The following PLEKHA1 variants were observed in gnomAD, a reference collection of about 807,000 sequenced individuals.
The protein encoded by PLEKHA1 is pleckstrin homology domain containing A1, also known as pleckstrin homology domain-containing family A member 1.
Under a neutral mutation model 52.0 loss-of-function variants are expected in PLEKHA1, and 34 were observed. The observed-to-expected ratio is 0.65, with a 90% confidence interval of 0.50 to 0.87. The LOEUF is 0.87. Ranked by LOEUF, PLEKHA1 falls within the 40% of genes least tolerant of loss-of-function variation. The pLI is 0.00. For synonymous variants in PLEKHA1, 163 were observed against 170.7 expected, an observed-to-expected ratio of 0.95 and a Z score of 0.35; for missense variants, 497 against 504.2, an observed-to-expected ratio of 0.99 and a Z score of 0.14.
intron 5 of PLEKHA1, among the ~76,000 whole-genome samples, chr10:122,408,532 A>G (rs2097057759): frequency 3.9e-5 from 6 of 152,294 alleles, no homozygotes; most frequent in Admixed American, 3.9e-4. Flanking sequence ...TGGAAAATAT[A>G]AATACATAGA....
chr10:122,410,505 G>A (rs1341091461), intron 5 of PLEKHA1, among the ~76,000 whole-genome samples: 1 of 152,128 alleles, frequency 6.6e-6, no homozygotes, highest in African/African-American at 2.4e-5. Flanking sequence ...TTTAGACCAA[G>A]TTTTACAGAG....
intron 1 of PLEKHA1, chr10:122,392,209 G>A (rs2133986675): frequency 6.6e-6 from 1 of 152,090 alleles, no homozygotes; most frequent in Middle Eastern, 3.4e-3. Context: ...CACCTTTTAA[G>A]TCTATTTTAA....
In PLEKHA1 at chr10:122,405,624, T is replaced by C. The variant is rs142604705; in HGVS notation, c.245-952T>C. On this transcript the variant is annotated intron_variant, in intron 4 of 11. Coordinates refer to ENST00000368990, the MANE Select transcript of PLEKHA1 (RefSeq NM_001001974.4). Reference sequence around the variant, plus strand: ...AACCTAAGGGATTTGTTATGGGGAATTGGTTACCCAAATATTGGAAGGCTG... The same window carrying C: ...AACCTAAGGGATTTGTTATGGGGAACTGGTTACCCAAATATTGGAAGGCTG... Among the ~76,000 whole-genome samples, 703 of 151,008 alleles carry C rather than the reference T, an allele frequency of 4.7e-3. 5 individuals are homozygous for C. Among genetic ancestry groups the C allele is most frequent in the African/African-American group, 0.016 (659 of 41,074 alleles).
At chr10:122,384,856 T>C (rs1467335016) in intron 1 of PLEKHA1, among the ~76,000 whole-genome samples, 2 of 152,086 alleles carry the variant, frequency 1.3e-5, no homozygotes, top group East Asian at 3.9e-4. Context: ...CTCAGGAGGC[T>C]GAGGCATGAG....
At chr10:122,375,708 C>A (rs1233821245) in intron 1 of PLEKHA1, among the ~76,000 whole-genome samples, 1 of 152,010 alleles carries the variant, frequency 6.6e-6, no homozygotes, top group Non-Finnish European at 1.5e-5. Context: ...GTGGTCTGGG[C>A]GTATAAATAA....
chr10:122,384,071 G>T (rs2096653582), intron 1 of PLEKHA1, among the ~76,000 whole-genome samples: 1 of 152,058 alleles, frequency 6.6e-6, no homozygotes, highest in African/African-American at 2.4e-5. Flanking sequence ...TTTTGTATTT[G>T]TCCTGTTATG....
chr10:122,434,426 A>G (rs1276728576), downstream of PLEKHA1: 2 of 151,782 alleles, frequency 1.3e-5, no homozygotes, highest in East Asian at 3.9e-4. Flanking sequence ...CCTGTCTTCA[A>G]CTCTAGTTCT....
chr10:122,393,855 T>C lies in PLEKHA1; in HGVS notation c.141+514T>C, dbSNP rs975433004. ...ATAAATAAATGACTTAACCACATGA[T>C]ACTCTTGCACATATGTAGTCCTTTT... is the stretch of plus-strand genomic sequence containing the variant. On this transcript the variant is annotated intron_variant, in intron 2 of 11. Coordinates refer to ENST00000368990, the MANE Select transcript of PLEKHA1 (RefSeq NM_001001974.4). This position sits in a 1 kb window ranked among gnomAD's most constrained non-coding sequence, Gnocchi z 4.5. Among the ~76,000 whole-genome samples, 5 of 152,264 alleles carry C rather than the reference T, an allele frequency of 3.3e-5. No individual in the cohort carries two copies. In the East Asian group the frequency reaches 9.7e-4, roughly 29 times the overall value.
intron 4 of PLEKHA1, among the ~76,000 whole-genome samples, chr10:122,401,243 G>A: frequency 6.6e-6 from 1 of 152,196 alleles, no homozygotes; most frequent in East Asian, 1.9e-4. Flanking sequence ...GTTTTGACGA[G>A]CAATAGGTTT....
At chr10:122,398,105 A>G in intron 3 of PLEKHA1, 131 bp downstream of exon 3, 1 of 645,584 alleles carries the variant, frequency 1.5e-6, no homozygotes, top group Non-Finnish European at 2.7e-6. Context: ...CTGAAATGGT[A>G]CCTGATTACT....
intron 5 of PLEKHA1, among the ~76,000 whole-genome samples, chr10:122,409,467 C>A (rs2097074653): frequency 6.6e-6 from 1 of 152,142 alleles, no homozygotes. Flanking sequence ...GTGGAAACAA[C>A]ATAAATATGG....
chr10:122,424,811 A>T, intron 9 of PLEKHA1, 85 bp from the exon 10 acceptor site: 2 of 970,986 alleles, frequency 2.1e-6, no homozygotes, highest in South Asian at 1.9e-5. Context: ...TTATTTATTG[A>T]CGCATACTGG....
At chr10:122,387,595 G>C (rs2096717986) in intron 1 of PLEKHA1, 1 of 152,144 alleles carries the variant, frequency 6.6e-6, no homozygotes, top group South Asian at 2.1e-4. Context: ...ATTTTTCACT[G>C]TTCTCTGGGT....
At chr10:122,413,686 A>G (rs1163531185) in intron 6 of PLEKHA1, among the ~76,000 whole-genome samples, 1 of 152,174 alleles carries the variant, frequency 6.6e-6, no homozygotes, top group Non-Finnish European at 1.5e-5. Flanking sequence ...ATATAAATTT[A>G]CATACAATTT....
intron 4 of PLEKHA1, among the ~76,000 whole-genome samples, chr10:122,403,949 C>T (rs1263664541): frequency 6.6e-6 from 1 of 152,190 alleles, no homozygotes; most frequent in Non-Finnish European, 1.5e-5. Flanking sequence ...GCCTTGGCCT[C>T]CCAAAATGCT....
At chr10:122,436,141 C>T (rs2133820656), downstream of PLEKHA1, 1 of 152,210 alleles carries the variant, frequency 6.6e-6, no homozygotes, top group South Asian at 2.1e-4. Context: ...ATGTATCTTT[C>T]TGATACCAAA....
At chr10:122,412,706 C>T (rs1253104127) in intron 5 of PLEKHA1, 2 of 527,402 alleles carry the variant, frequency 3.8e-6, no homozygotes, top group East Asian at 3.1e-5. Flanking sequence ...AGTACCTGCC[C>T]GAGTAAGCAC....
intron 1 of PLEKHA1, among the ~76,000 whole-genome samples, chr10:122,382,907 T>C (rs1018996377): frequency 9.2e-5 from 14 of 152,228 alleles, no homozygotes; most frequent in African/African-American, 3.1e-4. Flanking sequence ...GTAGGAATGC[T>C]GGATCATAGG....
intron 1 of PLEKHA1, among the ~76,000 whole-genome samples, chr10:122,376,490 G>A (rs2096536377): frequency 2.3e-5 from 3 of 132,558 alleles, no homozygotes; most frequent in Admixed American, 8.0e-5. Flanking sequence ...TGAATTTAGT[G>A]ACATTAAGAA....
Sources: gnomAD v4.1 joint callset for allele counts (sites outside exome capture counted in the v4.1 genomes callset) on GRCh38, gnomAD v4.1.1 for gene constraint, Gnocchi (gnomAD v3.1) non-coding constraint, MANE v1.5 for transcripts, NCBI Gene and HGNC (gene_info 2026-07-23, HGNC 2026-07-21) for gene names.